Variants in SERPINB10 observed in about 807,000 individuals in gnomAD.
SERPINB10 encodes serpin B10.
SERPINB10 carries 35 observed loss-of-function variants against 39.1 expected under a neutral mutation model. The ratio of observed to expected loss-of-function variants is 0.90; its 90% CI spans 0.68 to 1.19. The LOEUF (loss-of-function observed/expected upper bound fraction) is 1.19, where lower values mean the gene tolerates loss of function less well. Among genes scored for constraint, SERPINB10 ranks in the 50% most tolerant of loss-of-function variants. The pLI is 0.00. For missense variants in SERPINB10, 546 were observed against 460.5 expected (o/e 1.19, Z -1.70); for synonymous variants, 190 against 158.1 (o/e 1.20, Z -1.52).
chr18:63,909,606 A>G (rs548137578), intron 1 of SERPINB10, among the ~76,000 whole-genome samples: 1 of 152,160 alleles, frequency 6.6e-6, no homozygotes, highest in South Asian at 2.1e-4. Flanking sequence ...GTTTTCAGGA[A>G]CATGTTACAA....
chr18:63,918,183 T>C (rs774136746), intron 4 of SERPINB10, 81 bp downstream of exon 4: 19 of 1,463,298 alleles, frequency 1.3e-5, no homozygotes, highest in Non-Finnish European at 1.8e-5. Context: ...TATATTTCTT[T>C]AGGGATCCAG....
At chr18:63,924,572 A>G (rs1019775498) in intron 5 of SERPINB10, among the ~76,000 whole-genome samples, 9 of 151,964 alleles carry the variant, frequency 5.9e-5, no homozygotes, top group Admixed American at 2.0e-4. Context: ...AGTCTTTAGG[A>G]GATTCTAATT....
intron 6 of SERPINB10, among the ~76,000 whole-genome samples, chr18:63,930,579 C>CT (rs2050215199): frequency 6.6e-6 from 1 of 152,172 alleles, no homozygotes; most frequent in Non-Finnish European, 1.5e-5. Flanking sequence ...CTACCAAATT[C>CT]TTACCCTTAC....
chr18:63,933,278 T>C, intron 7 of SERPINB10, 75 bp downstream of exon 7: 2 of 1,500,792 alleles, frequency 1.3e-6, no homozygotes, highest in East Asian at 4.5e-5. Flanking sequence ...GGCCAAGGTT[T>C]CTCCCAATTG....
chr18:63,935,445 A>T lies in SERPINB10; in HGVS notation c.*203A>T. On this transcript the variant is annotated 3_prime_UTR_variant, in exon 8 of 8. Transcript: ENST00000238508. The stretch of plus-strand genomic sequence containing the variant: ...GGAGAGAATGACGATTTTTATTTTT[A>T]ACACGTTAACATTTTGTCTAATGTG... The T allele has an allele frequency of 2.0e-6, 1 of 503,934 alleles. No homozygotes were observed. The highest frequency in any genetic ancestry group is 3.4e-6 in the Non-Finnish European group (1 of 294,328). 31.2% of individuals were successfully genotyped at this position (503,934 alleles called of 1,614,324 possible).
At position 63,918,001 on chromosome 18, in the gene SERPINB10, G is replaced by A; in HGVS notation, c.271G>A (p.Asp91Asn). 4 of 1,612,074 alleles carry A rather than the reference G, an allele frequency of 2.5e-6. No individual in the cohort carries two copies. Among genetic ancestry groups the A allele is most frequent in the East Asian group, 2.2e-5 (1 of 44,780 alleles). Residue 91 changes from aspartate (D) to asparagine (N), a missense_variant, in exon 4 of 8, where the codon GAT becomes AAT. Asp to Asn is a conservative substitution (Grantham distance 23). Coordinates refer to ENST00000238508, the MANE Select transcript of SERPINB10 (RefSeq NM_005024.3). ...GAGCAACTCGGAAGAAATACACTCT[G>A]ATTTCCAAACACTTATCTCAGAAAT... is the stretch of plus-strand genomic sequence containing the variant. ...NLSNSEEIHSDFQTLISEILK... is the reference protein window; with the variant it reads ...NLSNSEEIHSNFQTLISEILK...
At chr18:63,922,805 C>T (rs1599084599) in intron 5 of SERPINB10, among the ~76,000 whole-genome samples, 1 of 151,892 alleles carries the variant, frequency 6.6e-6, no homozygotes, top group Admixed American at 6.6e-5. Flanking sequence ...AGCTTCTATT[C>T]CCATGTGAAC....
In SERPINB10 at chr18:63,908,012, C is replaced by T. The variant is rs1227886743; in HGVS notation, c.-38C>T. 5.8e-6 allele frequency: 2 copies of T among 345,588 alleles called. No homozygotes were observed. Among genetic ancestry groups the T allele is most frequent in the Admixed American group, 4.0e-5 (1 of 24,918 alleles). 21.4% of individuals were successfully genotyped at this position (345,588 alleles called of 1,614,324 possible). On this transcript the variant is annotated 5_prime_UTR_variant, in exon 1 of 8. Transcript: ENST00000238508. ...AATCTCTTACTACAGGAGCAAATTGCCAATTCTGCTCCAGTGGGAGAAAAC... is the reference window on the plus strand; with the variant it reads ...AATCTCTTACTACAGGAGCAAATTGTCAATTCTGCTCCAGTGGGAGAAAAC...
intron 5 of SERPINB10, among the ~76,000 whole-genome samples, chr18:63,920,205 A>T (rs1240585704): frequency 6.6e-6 from 1 of 152,054 alleles, no homozygotes; most frequent in Non-Finnish European, 1.5e-5. Flanking sequence ...CAAAAAGGAA[A>T]TTGAAAATAC....
At position 63,935,300 on chromosome 18, in the gene SERPINB10, G is replaced by A; in HGVS notation, c.*58G>A. The A allele has an allele frequency of 6.7e-7, 1 of 1,481,528 alleles. No individual in the cohort carries two copies. Among genetic ancestry groups the A allele is most frequent in the Non-Finnish European group, 8.9e-7 (1 of 1,118,042 alleles). 91.8% of individuals were successfully genotyped at this position (1,481,528 alleles called of 1,614,324 possible). On this transcript the variant is annotated 3_prime_UTR_variant, in exon 8 of 8. Coordinates refer to ENST00000238508, the MANE Select transcript of SERPINB10 (RefSeq NM_005024.3). ...TTACAGTGTGAAAAATGTACCATGA[G>A]ATGGAAAAGCACAATTTTCACAAAA...
intron 5 of SERPINB10, among the ~76,000 whole-genome samples, chr18:63,927,877 A>G (rs8095974): frequency 0.1 from 15,712 of 152,022 alleles, 1,903 homozygotes; most frequent in African/African-American, 0.28. Context: ...TGTCATTTTT[A>G]TACTAGGTAT....
intron 5 of SERPINB10, among the ~76,000 whole-genome samples, chr18:63,923,845 C>G: frequency 6.6e-6 from 1 of 151,834 alleles, no homozygotes; most frequent in East Asian, 1.9e-4. Context: ...CTTCTGTTAT[C>G]CTTTTCCAGC....
chr18:63,924,029 T>C (rs1359431278), intron 5 of SERPINB10, among the ~76,000 whole-genome samples: 1 of 152,008 alleles, frequency 6.6e-6, no homozygotes, highest in Non-Finnish European at 1.5e-5. Context: ...AATATGTAAA[T>C]TTTGCTTATT....
intron 1 of SERPINB10, among the ~76,000 whole-genome samples, chr18:63,911,909 C>T (rs1282475095): frequency 1.3e-5 from 2 of 151,016 alleles, no homozygotes; most frequent in Non-Finnish European, 2.9e-5. Context: ...TGTCCATGAG[C>T]ATGGAATGTT....
Position 63,933,114 on chromosome 18 carries a change from C to T in SERPINB10, c.700C>T (p.Pro234Ser), listed in dbSNP as rs2050235734. The change falls in exon 7 of 8, where the codon CCA becomes TCA. Residue 234 changes from proline (P) to serine (S), a missense_variant. Coordinates refer to ENST00000238508, the MANE Select transcript of SERPINB10 (RefSeq NM_005024.3). Reference sequence around the variant, plus strand: ...GCTTCACATTTTTCACATAGAAAAGCCAAAAGCAGTGGGCCTTCAACTCTA... The same window carrying T: ...GCTTCACATTTTTCACATAGAAAAGTCAAAAGCAGTGGGCCTTCAACTCTA... ...KKLHIFHIEK[P>S]KAVGLQLYYK... The T allele has an allele frequency of 1.2e-6, 2 of 1,613,912 alleles. No homozygotes were observed. Among genetic ancestry groups the T allele is most frequent in the Non-Finnish European group, 1.7e-6 (2 of 1,179,894 alleles).
At chr18:63,932,943 C>A in intron 6 of SERPINB10, 105 bp from the exon 7 acceptor site, 1 of 1,001,828 alleles carries the variant, frequency 1.0e-6, no homozygotes, top group Non-Finnish European at 1.5e-6. Flanking sequence ...AGAGAATCAG[C>A]AGTTTCACCA....
chr18:63,909,015 T>C (rs762009761), intron 1 of SERPINB10, among the ~76,000 whole-genome samples: 1 of 152,040 alleles, frequency 6.6e-6, no homozygotes, highest in Non-Finnish European at 1.5e-5. Context: ...CTCTCTCAGC[T>C]TCAGTTTCTT....
Position 63,917,968 on chromosome 18 carries a change from T to C in SERPINB10, c.238T>C (p.Phe80Leu), listed in dbSNP as rs368845792. ...ACTAGTTCCTTCTCTTTTAAAGGAA[T>C]TCAACTTGAGCAACTCGGAAGAAAT... The part of the protein sequence containing the change: ...PESEKKRKME[F>L]NLSNSEEIHS... Residue 80 changes from phenylalanine to leucine, a missense_variant, in exon 4 of 8, where the codon TTC becomes CTC. Physicochemically the swap from Phe to Leu is conservative, Grantham distance 22. Transcript: ENST00000238508. 47 of 1,611,396 alleles carry C rather than the reference T, an allele frequency of 2.9e-5. No individual in the cohort carries two copies. The highest frequency in any genetic ancestry group is 3.9e-5 in the Non-Finnish European group (46 of 1,178,422).
rs1375665527 is a variant in SERPINB10, at chr18:63,935,831, C to G, written c.*589C>G. On this transcript the variant is annotated 3_prime_UTR_variant, in exon 8 of 8. Transcript: ENST00000238508. ...TCTCAAAAAAATCATTTTGGTGGCT[C>G]ATAAATTATGATTGTAAAACTAAAC... 6.6e-6 allele frequency: 1 copy of G among 152,110 alleles called. No individual in the cohort carries two copies. Among genetic ancestry groups the G allele is most frequent in the Non-Finnish European group, 1.5e-5 (1 of 68,008 alleles). The allele number at this position is 152,110 out of a possible 1,614,324, so 9.4% of individuals were successfully genotyped here.
Sources: gnomAD v4.1 joint callset for allele counts (sites outside exome capture counted in the v4.1 genomes callset) on GRCh38, gnomAD v4.1.1 for gene constraint, MANE v1.5 for transcripts, NCBI Gene and HGNC (gene_info 2026-07-23, HGNC 2026-07-21) for gene names.